Variants in GAS7 observed in about 807,000 individuals in gnomAD.
GAS7 encodes growth arrest-specific protein 7.
A neutral mutation model predicts 71.1 loss-of-function variants in GAS7; 28 were observed. The ratio of observed to expected loss-of-function variants is 0.39; its 90% CI spans 0.29 to 0.54. The LOEUF is 0.54. Ranked by LOEUF, GAS7 falls within the 20% of genes least tolerant of loss-of-function variation. GAS7 has a pLI of 0.62. For synonymous variants in GAS7, 258 were observed against 245.8 expected (o/e 1.05, Z -0.46); for missense variants, 436 against 627.8 (o/e 0.69, Z 3.27).
At chr17:9,928,573 C>T (rs138042513) in intron 9 of GAS7, among the ~76,000 whole-genome samples, 127 of 152,168 alleles carry the variant, frequency 8.3e-4, no homozygotes, top group African/African-American at 2.9e-3. Flanking sequence ...CTGCCTCCAC[C>T]GGTCTTAGAG....
At chr17:10,076,631 T>C (rs2073396973) in intron 1 of GAS7, among the ~76,000 whole-genome samples, 1 of 152,060 alleles carries the variant, frequency 6.6e-6, no homozygotes, top group Non-Finnish European at 1.5e-5. Flanking sequence ...AAATTACCAA[T>C]ATTCTACAGT....
At chr17:10,003,136 G>C (rs1276620329) in intron 2 of GAS7, among the ~76,000 whole-genome samples, 1 of 152,216 alleles carries the variant, frequency 6.6e-6, no homozygotes, top group East Asian at 1.9e-4. Context: ...GGCTGGCTGG[G>C]GGTGATAGGA....
intron 5 of GAS7, among the ~76,000 whole-genome samples, chr17:9,956,651 G>A (rs2069249942): frequency 6.6e-6 from 1 of 152,182 alleles, no homozygotes; most frequent in Admixed American, 6.5e-5. Context: ...CTGTCAGGGG[G>A]CCCATGTGTC....
intron 1 of GAS7, among the ~76,000 whole-genome samples, chr17:10,083,466 G>A (rs1358608807): frequency 6.6e-6 from 1 of 152,248 alleles, no homozygotes; most frequent in Non-Finnish European, 1.5e-5. Flanking sequence ...AGGGACTTCT[G>A]GCTGGCGATG....
Position 10,198,312 on chromosome 17 carries a change from C to A in GAS7, c.79G>T (p.Glu27Ter). ...HGQGLRFAAGELITLLQVPDG... is the reference protein window; with the variant it reads ...HGQGLRFAAG ...GGGACCTGCAGCAGCGTGATCAGCT[C>A]GCCCGCGGCGAAGCGCAGCCCCTGG... The change falls in exon 1 of 14, where the codon GAG becomes TAG. Residue 27 changes from glutamate (E) to a stop codon, truncating the protein, a stop_gained. Transcript: ENST00000432992. LOFTEE classifies it high-confidence loss of function. 1 of 1,602,718 alleles carries A rather than the reference C, an allele frequency of 6.2e-7. No homozygotes were observed.
intron 1 of GAS7, among the ~76,000 whole-genome samples, chr17:10,098,900 G>A (rs556626921): frequency 6.6e-6 from 1 of 152,316 alleles, no homozygotes; most frequent in Admixed American, 6.5e-5. Context: ...AGCTTGCAGT[G>A]AGCCAAGATC....
chr17:9,933,244 T>G lies in GAS7; in HGVS notation c.885+922A>C, dbSNP rs370605574. On this transcript the variant is annotated intron_variant, in intron 9 of 13. Transcript: ENST00000432992. ...ATAAAGAAGGACCCTTTACTTGTTC[T>G]GAAATTTTGCAACAACCACAAATTT... is the stretch of plus-strand genomic sequence containing the variant. 2.0e-5 allele frequency among the ~76,000 whole-genome samples: 3 copies of G among 152,284 alleles called. 1 individual carries two copies. Among genetic ancestry groups the G allele is most frequent in the African/African-American group, 7.2e-5 (3 of 41,556 alleles).
chr17:9,929,800 G>GT (rs11393907), intron 9 of GAS7, among the ~76,000 whole-genome samples: 8,549 of 150,554 alleles, frequency 0.057, 638 homozygotes, highest in African/African-American at 0.16. Flanking sequence ...TTAAAAGACA[G>GT]TTTTTTTTTT....
intron 3 of GAS7, among the ~76,000 whole-genome samples, chr17:9,979,748 G>A (rs1343107009): frequency 6.6e-6 from 1 of 151,962 alleles, no homozygotes; most frequent in Non-Finnish European, 1.5e-5. Context: ...CTCCTTCACC[G>A]ACCACTCTGG....
chr17:10,077,969 C>T (rs143183635), intron 1 of GAS7, among the ~76,000 whole-genome samples: 2 of 152,054 alleles, frequency 1.3e-5, no homozygotes, highest in Non-Finnish European at 2.9e-5. Context: ...ATAGATGCTT[C>T]TATTGAGATG....
chr17:9,939,614 CT>C (rs548573216), intron 8 of GAS7, among the ~76,000 whole-genome samples: 6,104 of 144,028 alleles, frequency 0.042, 380 homozygotes, highest in African/African-American at 0.14. Context: ...GTGGAAGTGC[CT>C]TTTTTTTTTT....
chr17:9,988,041 A>C (rs2070707366), intron 2 of GAS7, among the ~76,000 whole-genome samples: 1 of 152,160 alleles, frequency 6.6e-6, no homozygotes, highest in Admixed American at 6.5e-5. Flanking sequence ...ACCAGAGCAG[A>C]AGGAAATGGA....
intron 1 of GAS7, among the ~76,000 whole-genome samples, chr17:10,150,061 A>G (rs966397998): frequency 5.3e-5 from 8 of 152,252 alleles, no homozygotes; most frequent in African/African-American, 1.7e-4. Flanking sequence ...TGAATATACT[A>G]TAAACCACTG....
chr17:9,996,215 T>A (rs1419891014), intron 2 of GAS7, among the ~76,000 whole-genome samples: 1 of 152,148 alleles, frequency 6.6e-6, no homozygotes, highest in Non-Finnish European at 1.5e-5. Flanking sequence ...ATGTGGCACA[T>A]ATACACCATG....
At chr17:10,181,730 C>G (rs2074418403) in intron 1 of GAS7, among the ~76,000 whole-genome samples, 1 of 152,160 alleles carries the variant, frequency 6.6e-6, no homozygotes, top group East Asian at 1.9e-4. Context: ...AATCACTGCA[C>G]CATCACTCTG....
chr17:9,928,452 G>C (rs4791913), intron 9 of GAS7, among the ~76,000 whole-genome samples: 4,982 of 152,040 alleles, frequency 0.033, 226 homozygotes, highest in Admixed American at 0.08. Context: ...AGATCAACGG[G>C]ACCTGCTGTG....
At chr17:10,126,946 T>C (rs188496049) in intron 1 of GAS7, among the ~76,000 whole-genome samples, 1 of 152,284 alleles carries the variant, frequency 6.6e-6, no homozygotes, top group East Asian at 1.9e-4. Flanking sequence ...TGAAGGGAGA[T>C]TGCATCAGAG....
chr17:10,045,992 T>C lies in GAS7; in HGVS notation c.184-26095A>G, dbSNP rs116587012. On this transcript the variant is annotated intron_variant, in intron 1 of 13. Transcript: ENST00000432992. ...TCTTTCTACTACACACTAAAATAAATATAACTTTAAAACTGTCATCTCCAC... is the reference window on the plus strand; with the variant it reads ...TCTTTCTACTACACACTAAAATAAACATAACTTTAAAACTGTCATCTCCAC... 1.7e-3 allele frequency among the ~76,000 whole-genome samples: 256 copies of C among 152,280 alleles called. 1 individual carries two copies. The highest frequency in any genetic ancestry group is 5.7e-3 in the African/African-American group (236 of 41,550).
At chr17:10,175,321 G>A (rs1181794500) in intron 1 of GAS7, among the ~76,000 whole-genome samples, 1 of 151,796 alleles carries the variant, frequency 6.6e-6, no homozygotes, top group East Asian at 1.9e-4. Flanking sequence ...CAAGCCCAGG[G>A]TAAGGGGCTT....
Sources: gnomAD v4.1 joint callset for allele counts (sites outside exome capture counted in the v4.1 genomes callset) on GRCh38, gnomAD v4.1.1 for gene constraint, MANE v1.5 for transcripts, NCBI Gene and HGNC (gene_info 2026-07-23, HGNC 2026-07-21) for gene names.